COL19A1: variants seen among roughly 807,000 people sequenced by gnomAD.
The protein encoded by COL19A1 is collagen alpha-1(XIX) chain.
In COL19A1, 159 loss-of-function variants were observed where a neutral mutation model predicts 190.2. That is an observed-to-expected ratio of 0.84 (90% confidence interval 0.73 to 0.95). The LOEUF is 0.95. COL19A1 is among the 40% of genes least tolerant of loss of function. The pLI is 0.00. For synonymous variants in COL19A1, 509 were observed against 458.9 expected, an observed-to-expected ratio of 1.11 and a Z score of -1.39; for missense variants, 1,418 against 1,431.9, an observed-to-expected ratio of 0.99 and a Z score of 0.16.
At chr6:70,185,582 C>A (rs1276225456) in intron 46 of COL19A1, among the ~76,000 whole-genome samples, 1 of 152,124 alleles carries the variant, frequency 6.6e-6, no homozygotes, top group African/African-American at 2.4e-5. Context: ...GCGTTAATGT[C>A]ATTATTGCAA....
intron 16 of COL19A1, among the ~76,000 whole-genome samples, chr6:70,117,196 T>C (rs1239529686): frequency 6.6e-6 from 1 of 152,180 alleles, no homozygotes; most frequent in Non-Finnish European, 1.5e-5. Flanking sequence ...AGACAGCTTA[T>C]GGCAAAGAAC....
chr6:70,145,100 GT>G, intron 25 of COL19A1, 93 bp downstream of exon 25: 1 of 926,890 alleles, frequency 1.1e-6, no homozygotes, highest in Non-Finnish European at 1.7e-6. Context: ...ATGGGAATAA[GT>G]TTAGGTCTGC....
chr6:69,871,807 C>G (rs926829169), intron 1 of COL19A1, among the ~76,000 whole-genome samples: 7 of 134,820 alleles, frequency 5.2e-5, no homozygotes, highest in African/African-American at 1.9e-4. Context: ...AGCAAGTCCA[C>G]CATTTTTTTT....
intron 14 of COL19A1, among the ~76,000 whole-genome samples, chr6:70,051,944 C>G (rs1374134892): frequency 1.3e-5 from 2 of 152,036 alleles, no homozygotes; most frequent in African/African-American, 4.8e-5. Flanking sequence ...TCAACCCTGT[C>G]CCCCAGGATT....
rs752642144 is a variant in COL19A1 at position 70,142,767 on chromosome 6, G to T, written c.1573G>T (p.Gly525Cys). Residue 525 changes from glycine to cysteine, a missense_variant and splice_region_variant, in exon 23 of 51, where the codon GGT (glycine) becomes TGT (cysteine). Gly to Cys is a radical substitution (Grantham distance 159). Coordinates refer to ENST00000620364, the MANE Select transcript of COL19A1 (RefSeq NM_001858.6). ...AAGTATATACCACCTTTTATTTTAGGGTCAGCAAGGATCTGCAGGCTCCAT... is the reference window on the plus strand; with the variant it reads ...AAGTATATACCACCTTTTATTTTAGTGTCAGCAAGGATCTGCAGGCTCCAT... ...PGLIGSPGLK[G>C]QQGSAGSMGP... 3.1e-6 allele frequency: 5 copies of T among 1,610,764 alleles called. No individual in the cohort carries two copies. In the East Asian group the frequency reaches 1.1e-4, roughly 36 times the overall value.
chr6:69,886,217 G>C (rs142265234), intron 2 of COL19A1, among the ~76,000 whole-genome samples: 1 of 152,186 alleles, frequency 6.6e-6, no homozygotes, highest in Non-Finnish European at 1.5e-5. Flanking sequence ...TGTCCAACAG[G>C]TATATGAAAA....
chr6:70,058,047 C>A (rs1780607992), intron 14 of COL19A1, among the ~76,000 whole-genome samples: 1 of 152,082 alleles, frequency 6.6e-6, no homozygotes. Context: ...GATATCACAA[C>A]ATCATTCCAG....
Position 70,111,690 on chromosome 6 carries a change from AAAATTATTAACTATT to A in COL19A1, c.1278+9469_1278+9483del, listed in dbSNP as rs529089067. The stretch of plus-strand genomic sequence containing the variant: ...GAATGGGGCCACGTGTTTTAAAACT[AAAATTATTAACTATT>A]TTTTAGAACTTTCCTGAGCACACTG... On this transcript the variant is annotated intron_variant, in intron 16 of 50. Transcript: ENST00000620364. Among the ~76,000 whole-genome samples the A allele has an allele frequency of 5.5e-4, 84 of 152,278 alleles. 3 individuals are homozygous for A. Among genetic ancestry groups the A allele is most frequent in the Admixed American group, 4.9e-3 (75 of 15,272 alleles).
At chr6:70,187,500 C>CTCTTGGCAATCTTCCTTTATCATTGCA (rs1172797133) in intron 46 of COL19A1, among the ~76,000 whole-genome samples, 2 of 436 alleles carry the variant, frequency 4.6e-3, no homozygotes, top group African/African-American at 5.1e-3. Context: ...TAATGAGATC[C>CTCTTGGCAATCTTCCTTTATCATTGCA]AGGGGAAAGC....
chr6:69,869,526 T>C (rs1767688724), intron 1 of COL19A1, among the ~76,000 whole-genome samples: 1 of 151,330 alleles, frequency 6.6e-6, no homozygotes, highest in South Asian at 2.1e-4. Flanking sequence ...GATTATTAGA[T>C]CAGAAAACCA....
At chr6:70,009,458 A>T (rs1443412664) in intron 11 of COL19A1, among the ~76,000 whole-genome samples, 1 of 152,044 alleles carries the variant, frequency 6.6e-6, no homozygotes, top group Non-Finnish European at 1.5e-5. Flanking sequence ...ATTCAAGAAG[A>T]CCTAAATAAA....
intron 14 of COL19A1, among the ~76,000 whole-genome samples, chr6:70,063,998 C>A (rs918819515): frequency 2.0e-5 from 3 of 152,012 alleles, no homozygotes; most frequent in Admixed American, 6.6e-5. Context: ...GCTTACCAAC[C>A]AAAAAGAGTC....
At chr6:70,136,102 G>A (rs1191664171) in intron 18 of COL19A1, among the ~76,000 whole-genome samples, 1 of 152,086 alleles carries the variant, frequency 6.6e-6, no homozygotes, top group Non-Finnish European at 1.5e-5. Context: ...TAAAATTTTA[G>A]TAAAATTAAG....
intron 9 of COL19A1, among the ~76,000 whole-genome samples, chr6:69,942,176 C>T (rs191692585): frequency 5.9e-5 from 9 of 152,246 alleles, no homozygotes; most frequent in Admixed American, 5.9e-4. Context: ...ACTTCCACAT[C>T]TCTTTCAAAT....
At chr6:69,904,016 T>A (rs1033038329) in intron 4 of COL19A1, among the ~76,000 whole-genome samples, 5 of 152,192 alleles carry the variant, frequency 3.3e-5, no homozygotes, top group African/African-American at 9.6e-5. Context: ...CAAGGCAAAC[T>A]GATGGCCTTC....
At chr6:69,894,549 T>C (rs113004335) in intron 2 of COL19A1, among the ~76,000 whole-genome samples, 13,747 of 152,272 alleles carry the variant, frequency 0.09, 740 homozygotes, top group East Asian at 0.21. Context: ...TAAGCACTTG[T>C]CTTTCTTTAG....
At chr6:69,998,611 C>T (rs1168994460) in intron 11 of COL19A1, among the ~76,000 whole-genome samples, 1 of 144,846 alleles carries the variant, frequency 6.9e-6, no homozygotes, top group Non-Finnish European at 1.5e-5. Context: ...CTCCACTGCA[C>T]TCTATTCTGG....
chr6:70,096,792 A>G (rs1783303800), intron 15 of COL19A1, among the ~76,000 whole-genome samples: 1 of 152,310 alleles, frequency 6.6e-6, no homozygotes, highest in South Asian at 2.1e-4. Context: ...TGGTCCCCAG[A>G]CCAGCAGCAT....
chr6:70,088,199 T>C (rs1053947667), intron 15 of COL19A1, among the ~76,000 whole-genome samples: 1 of 152,164 alleles, frequency 6.6e-6, no homozygotes, highest in Non-Finnish European at 1.5e-5. Flanking sequence ...CTTTCAAATG[T>C]ATATATTTCT....
Sources: allele counts gnomAD v4.1 joint callset (sites outside exome capture counted in the v4.1 genomes callset), GRCh38; gene constraint gnomAD v4.1.1; transcripts MANE v1.5; gene names NCBI Gene and HGNC (gene_info 2026-07-23, HGNC 2026-07-21).